The following ZNF469 variants were observed in gnomAD, a reference collection of about 807,000 sequenced individuals.
ZNF469 encodes the protein zinc finger protein 469.
A neutral mutation model predicts 1.0 loss-of-function variants in ZNF469; 1 was observed. The observed-to-expected ratio is 1.00, with a 90% CI of 0.35 to 4.73. ZNF469 has a LOEUF of 4.73. ZNF469 is among the 30% of genes most tolerant of loss of function. The probability of loss-of-function intolerance (pLI) is 0.16; values close to 1 mark genes in which losing one functional copy is unlikely to be tolerated. For synonymous variants in ZNF469, 2,703 were observed against 2,363.4 expected, an observed-to-expected ratio of 1.14 and a Z score of -4.17; for missense variants, 6,100 against 5,356.3, an observed-to-expected ratio of 1.14 and a Z score of -4.33.
In ZNF469 at chr16:88,385,655, A is replaced by T. The variant is rs1439310538; in HGVS notation, c.-192+2401A>T. On this transcript the variant is annotated intron_variant, in intron 1 of 2. Transcript: ENST00000565624. ...GAGACTCTGTCTCAAAAAAAAAAAA[A>T]AAAAATTCTGTTACCCTGCCTGCCT... Among the ~76,000 whole-genome samples the T allele has an allele frequency of 3.3e-5, 5 of 151,930 alleles. No homozygotes were observed. In the East Asian group the frequency reaches 7.7e-4, roughly 24 times the overall value.
the ZNF469 span, among the ~76,000 whole-genome samples, chr16:88,133,831 C>T: frequency 1.3e-5 from 2 of 152,204 alleles, no homozygotes; most frequent in Non-Finnish European, 2.9e-5. Context: ...CAGTGGCTCA[C>T]GCCTGTAATC....
rs1319818534 is a variant in ZNF469, at chr16:88,437,108, A to G, written c.9638A>G (p.Asp3213Gly). ...GGGCAGGCGCGGAGGTCCTTGGGGG[A>G]CCTGCCCGGAGGCCTGGAGGGCAGC... ...RRGQARRSLG[D>G]LPGGLEGSSA... Residue 3213 changes from aspartate (D) to glycine (G), a missense_variant, in exon 3 of 3, where the codon GAC becomes GGC. Coordinates refer to ENST00000565624, the MANE Select transcript of ZNF469 (RefSeq NM_001367624.2). 5 of 1,546,972 alleles carry G rather than the reference A, an allele frequency of 3.2e-6. No homozygotes were observed. In the Admixed American group the frequency reaches 7.9e-5, roughly 24 times the overall value.
chr16:88,388,245 C>G (rs1904388841), intron 1 of ZNF469, among the ~76,000 whole-genome samples: 1 of 152,266 alleles, frequency 6.6e-6, no homozygotes, highest in African/African-American at 2.4e-5. Context: ...CCCCTCCTGG[C>G]CGGTGGGCCA....
chr16:88,258,082 A>T, the ZNF469 span, among the ~76,000 whole-genome samples: 4 of 152,378 alleles, frequency 2.6e-5, no homozygotes, highest in Non-Finnish European at 5.9e-5. Flanking sequence ...AGGTGATTGC[A>T]ATAGAACCTG....
At chr16:88,122,105 C>T in the ZNF469 span, among the ~76,000 whole-genome samples, 1 of 147,292 alleles carries the variant, frequency 6.8e-6, no homozygotes, top group Non-Finnish European at 1.5e-5. Flanking sequence ...CCTCGGATCA[C>T]ACTCTGTCAC....
chr16:88,253,230 G>A, the ZNF469 span, among the ~76,000 whole-genome samples: 56 of 152,274 alleles, frequency 3.7e-4, no homozygotes, highest in African/African-American at 1.3e-3. Flanking sequence ...TGCCTACCTA[G>A]GAATTGAAAT....
At chr16:88,352,793 G>A in the ZNF469 span, among the ~76,000 whole-genome samples, 9 of 152,190 alleles carry the variant, frequency 5.9e-5, no homozygotes, top group Non-Finnish European at 1.0e-4. Flanking sequence ...GGAGATGTGG[G>A]CATATGGCTG....
chr16:88,359,636 A>T, the ZNF469 span, among the ~76,000 whole-genome samples: 2 of 152,154 alleles, frequency 1.3e-5, no homozygotes, highest in African/African-American at 4.8e-5. Flanking sequence ...TCTTTTTTGT[A>T]TTGATTTTAG....
At chr16:88,273,412 A>C in the ZNF469 span, among the ~76,000 whole-genome samples, 1 of 152,038 alleles carries the variant, frequency 6.6e-6, no homozygotes. Flanking sequence ...ATCACTAATC[A>C]TTGGGAAATG....
chr16:88,352,075 A>T, the ZNF469 span, among the ~76,000 whole-genome samples: 405 of 152,300 alleles, frequency 2.7e-3, 1 homozygote, highest in African/African-American at 9.2e-3. Context: ...GAACACCCGG[A>T]ACAGGCACAC....
the ZNF469 span, among the ~76,000 whole-genome samples, chr16:88,222,695 T>C: frequency 2.6e-5 from 4 of 151,744 alleles, no homozygotes; most frequent in African/African-American, 7.3e-5. Context: ...AGGCAGAGGT[T>C]GTGGTGAGCC....
chr16:88,400,624 C>T (rs1567501248), intron 1 of ZNF469, among the ~76,000 whole-genome samples: 1 of 152,174 alleles, frequency 6.6e-6, no homozygotes, highest in South Asian at 2.1e-4. Flanking sequence ...GCAGCAGCAA[C>T]AGCTGGACCC....
intron 1 of ZNF469, among the ~76,000 whole-genome samples, chr16:88,406,098 C>T (rs935695325): frequency 7.9e-5 from 12 of 152,206 alleles, no homozygotes; most frequent in Admixed American, 3.9e-4. Flanking sequence ...CCGGAGCCGA[C>T]CACGCCACCA....
chr16:88,296,947 G>C, the ZNF469 span, among the ~76,000 whole-genome samples: 1 of 152,226 alleles, frequency 6.6e-6, no homozygotes, highest in Non-Finnish European at 1.5e-5. Flanking sequence ...TTTCGGTGCA[G>C]GCTGGATCAG....
At chr16:88,174,246 G>C in the ZNF469 span, among the ~76,000 whole-genome samples, 1 of 152,188 alleles carries the variant, frequency 6.6e-6, no homozygotes, top group Non-Finnish European at 1.5e-5. Flanking sequence ...TATTAGTGGA[G>C]ATAAAGACAG....
chr16:88,204,226 C>T, the ZNF469 span, among the ~76,000 whole-genome samples: 1,493 of 151,744 alleles, frequency 9.8e-3, 21 homozygotes, highest in African/African-American at 0.035. Flanking sequence ...GGAGGCGCCC[C>T]GTAACCCCAT....
chr16:88,132,335 G>A, the ZNF469 span, among the ~76,000 whole-genome samples: 3 of 152,248 alleles, frequency 2.0e-5, no homozygotes, highest in Non-Finnish European at 4.4e-5. Flanking sequence ...GGCTCCCCGC[G>A]GTGACTGGCT....
At chr16:88,233,977 C>T in the ZNF469 span, among the ~76,000 whole-genome samples, 1 of 152,242 alleles carries the variant, frequency 6.6e-6, no homozygotes, top group Non-Finnish European at 1.5e-5. Flanking sequence ...GTGGTTTCCA[C>T]AGGAACTTTT....
chr16:88,209,966 C>T, the ZNF469 span, among the ~76,000 whole-genome samples: 8 of 152,168 alleles, frequency 5.3e-5, no homozygotes, highest in African/African-American at 1.9e-4. Flanking sequence ...CAAAACTAAA[C>T]TCTTCCTCCA....
Sources: allele counts gnomAD v4.1 joint callset (sites outside exome capture counted in the v4.1 genomes callset), GRCh38; gene constraint gnomAD v4.1.1; transcripts MANE v1.5; gene names NCBI Gene and HGNC (gene_info 2026-07-23, HGNC 2026-07-21).